Variants in FGF14 observed in about 807,000 individuals in gnomAD.
FGF14 encodes fibroblast growth factor 14.
A neutral mutation model predicts 25.5 loss-of-function variants in FGF14; 5 were observed. That is an observed-to-expected ratio of 0.20 (90% CI 0.10 to 0.41). The LOEUF (loss-of-function observed/expected upper bound fraction) is 0.41, where lower values mean the gene tolerates loss of function less well. FGF14 is among the 10% of genes least tolerant of loss of function. The pLI, the probability that FGF14 is intolerant of heterozygous loss-of-function variation, is 1.00. For synonymous variants in FGF14, 138 were observed against 118.3 expected (o/e 1.17, Z -1.08); for missense variants, 222 against 320.1 (o/e 0.69, Z 2.34).
At position 101,916,433 on chromosome 13, in the gene FGF14, C is replaced by A. The variant is rs190088993; in HGVS notation, c.193+20G>T. On this transcript the variant is annotated intron_variant, in intron 1 of 4. Coordinates refer to ENST00000376143, the MANE Select transcript of FGF14 (RefSeq NM_004115.4). ...AGGGGGCGACCCGGGGCGCATCTCC[C>A]GACCATGACCCCCACAGACCTTGGC... The A allele has an allele frequency of 3.1e-6, 5 of 1,613,720 alleles. No homozygotes were observed. The highest frequency in any genetic ancestry group is 4.2e-6 in the Non-Finnish European group (5 of 1,179,782).
At chr13:101,936,490 A>G (rs1036073155) in intron 1 of FGF14, among the ~76,000 whole-genome samples, 5 of 152,174 alleles carry the variant, frequency 3.3e-5, no homozygotes, top group Non-Finnish European at 7.4e-5. Context: ...CTTTGTAACT[A>G]TGAGAGGCAG....
rs567772509 is a variant in FGF14 at position 102,164,998 on chromosome 13, G to A, written c.208+236473C>T. ...ATGGCTGGAGAGGAGAATAGTGAGG[G>A]GATTTTTCAGCAACCAATGAGTGAC... On this transcript the variant is annotated intron_variant, in intron 1 of 4. Coordinates refer to the FGF14 transcript ENST00000376131. Among the ~76,000 whole-genome samples, 17 of 151,988 alleles carry A rather than the reference G, an allele frequency of 1.1e-4. No homozygotes were observed. In the East Asian group the frequency reaches 3.3e-3, roughly 29 times the overall value.
intron 1 of FGF14, among the ~76,000 whole-genome samples, chr13:102,218,122 A>C (rs150287676): frequency 6.6e-6 from 1 of 152,234 alleles, no homozygotes; most frequent in Non-Finnish European, 1.5e-5. Flanking sequence ...TGCTTTGCCC[A>C]ACTCTGCAAA....
chr13:102,078,839 A>C (rs533602032), intron 1 of FGF14, among the ~76,000 whole-genome samples: 1 of 152,332 alleles, frequency 6.6e-6, no homozygotes, highest in African/African-American at 2.4e-5. Flanking sequence ...ATATAACATG[A>C]TCACATTCAC....
intron 3 of FGF14, among the ~76,000 whole-genome samples, chr13:101,744,477 A>G (rs1409915796): frequency 1.3e-5 from 2 of 152,086 alleles, no homozygotes; most frequent in South Asian, 2.1e-4. Context: ...ATTATATTCA[A>G]TTAGAGTGGG....
intron 3 of FGF14, among the ~76,000 whole-genome samples, chr13:101,763,142 TAG>T (rs1449861181): frequency 6.6e-6 from 1 of 152,122 alleles, no homozygotes; most frequent in African/African-American, 2.4e-5. Context: ...GGGTTGGAAT[TAG>T]AGAGAATAGA....
chr13:101,732,491 C>T (rs1157725569), intron 3 of FGF14, among the ~76,000 whole-genome samples: 1 of 152,024 alleles, frequency 6.6e-6, no homozygotes, highest in Non-Finnish European at 1.5e-5. Flanking sequence ...CAGAGTCATC[C>T]ACGAATTCAG....
At chr13:102,188,527 T>A (rs2048962510) in intron 1 of FGF14, among the ~76,000 whole-genome samples, 1 of 152,198 alleles carries the variant, frequency 6.6e-6, no homozygotes, top group African/African-American at 2.4e-5. Flanking sequence ...CTTGTTTTTG[T>A]TTTGAGAATT....
chr13:102,016,783 G>A (rs1297336786), intron 1 of FGF14, among the ~76,000 whole-genome samples: 2 of 152,130 alleles, frequency 1.3e-5, no homozygotes, highest in Non-Finnish European at 2.9e-5. Context: ...ACCAAGCACA[G>A]CAGTGGCTTT....
At chr13:101,855,442 C>A (rs936257405) in intron 3 of FGF14, among the ~76,000 whole-genome samples, 1 of 151,872 alleles carries the variant, frequency 6.6e-6, no homozygotes, top group African/African-American at 2.4e-5. Context: ...AACATTCTAC[C>A]ACTGTATAAA....
intron 3 of FGF14, among the ~76,000 whole-genome samples, chr13:101,816,665 A>T (rs897197836): frequency 4.6e-5 from 7 of 152,130 alleles, no homozygotes; most frequent in Admixed American, 3.9e-4. Context: ...GCTATTCTAA[A>T]TCTTTATTAA....
intron 1 of FGF14, among the ~76,000 whole-genome samples, chr13:102,191,822 A>T (rs1001005456): frequency 5.3e-5 from 8 of 152,196 alleles, no homozygotes; most frequent in Non-Finnish European, 7.3e-5. Context: ...AACCTGTAAA[A>T]CCATACAAGT....
chr13:102,238,356 G>C (rs1287771705), intron 1 of FGF14, among the ~76,000 whole-genome samples: 1 of 152,158 alleles, frequency 6.6e-6, no homozygotes, highest in Non-Finnish European at 1.5e-5. Flanking sequence ...CTTCTGTCCT[G>C]TCTTGTATAT....
In FGF14 at chr13:101,712,204, C is replaced by CCAAT. The variant is rs1424627759; in HGVS notation, c.*10626_*10627insATTG. On this transcript the variant is annotated 3_prime_UTR_variant, in exon 5 of 5. Transcript: ENST00000376143. The stretch of plus-strand genomic sequence containing the variant: ...TTTCCTACCTCTAAGATGCACTGAG[C>CCAAT]ATTGACAAACAGGAAAGAATAACAC... 6.6e-6 allele frequency: 1 copy of CCAAT among 152,180 alleles called. No individual in the cohort carries two copies. Among genetic ancestry groups the CCAAT allele is most frequent in the Non-Finnish European group, 1.5e-5 (1 of 68,030 alleles). The allele number at this position is 152,180 out of a possible 1,614,324, so 9.4% of individuals were successfully genotyped here.
chr13:102,349,374 A>C (rs1265033294), intron 1 of FGF14, among the ~76,000 whole-genome samples: 2 of 152,140 alleles, frequency 1.3e-5, no homozygotes, highest in African/African-American at 4.8e-5. Context: ...ATTTAATTAC[A>C]TGTGGCTTTT....
rs2034677641 is a variant in FGF14, at chr13:101,715,508, T to C, written c.*7323A>G. 8.1e-7 allele frequency: 1 copy of C among 1,230,966 alleles called. No homozygotes were observed. The highest frequency in any genetic ancestry group is 1.2e-6 in the Non-Finnish European group (1 of 831,358). The allele number at this position is 1,230,966 out of a possible 1,614,324, so 76.3% of individuals were successfully genotyped here. A position where few individuals can be genotyped will look rare whatever the true frequency, so the allele number is the denominator to read the frequency against. Reference sequence around the variant, plus strand: ...ACACTTGTGATTTATAATAGCATGTTTAAATTTGGCACATTTTGATCATAA... The same window carrying C: ...ACACTTGTGATTTATAATAGCATGTCTAAATTTGGCACATTTTGATCATAA... On this transcript the variant is annotated 3_prime_UTR_variant, in exon 5 of 5. Coordinates refer to ENST00000376143, the MANE Select transcript of FGF14 (RefSeq NM_004115.4).
rs1222280739 is a variant in FGF14, at chr13:102,161,724, GAATAGA to G, written c.208+239741_208+239746del. 4.0e-5 allele frequency among the ~76,000 whole-genome samples: 6 copies of G among 149,600 alleles called. 1 individual carries two copies. Among genetic ancestry groups the G allele is most frequent in the Non-Finnish European group, 8.9e-5 (6 of 67,272 alleles). On this transcript the variant is annotated intron_variant, in intron 1 of 4. Transcript: ENST00000376131. ...AGAAGAAGAAGAAGAAGAAGAAGAA[GAATAGA>G]AATGTGTTTAAGAATTCCTCAATAA...
intron 1 of FGF14, among the ~76,000 whole-genome samples, chr13:102,048,744 A>C (rs1004684782): frequency 6.6e-6 from 1 of 152,178 alleles, no homozygotes; most frequent in Admixed American, 6.5e-5. Flanking sequence ...TGACCTTTGG[A>C]AACTTATAGT....
At chr13:101,754,190 C>T (rs1176987306) in intron 3 of FGF14, among the ~76,000 whole-genome samples, 1 of 152,084 alleles carries the variant, frequency 6.6e-6, no homozygotes, top group Non-Finnish European at 1.5e-5. Flanking sequence ...GCTGCTGGGG[C>T]TCCTAGGGGC....
Sources: gnomAD v4.1 joint callset for allele counts (sites outside exome capture counted in the v4.1 genomes callset) on GRCh38, gnomAD v4.1.1 for gene constraint, MANE v1.5 for transcripts, NCBI Gene and HGNC (gene_info 2026-07-23, HGNC 2026-07-21) for gene names.